SHISA9: variants seen among roughly 807,000 people sequenced by gnomAD.
SHISA9 encodes the protein protein shisa-9.
Under a neutral mutation model 38.0 loss-of-function variants are expected in SHISA9, and 13 were observed. That is an observed-to-expected ratio of 0.34 (90% CI 0.22 to 0.54). The LOEUF (loss-of-function observed/expected upper bound fraction) is 0.54, where lower values mean the gene tolerates loss of function less well. Ranked by LOEUF, SHISA9 falls within the 20% of genes least tolerant of loss-of-function variation. The pLI, the probability that SHISA9 is intolerant of heterozygous loss-of-function variation, is 0.91. For synonymous variants in SHISA9, 275 were observed against 242.0 expected, an observed-to-expected ratio of 1.14 and a Z score of -1.27; for missense variants, 538 against 575.8, an observed-to-expected ratio of 0.93 and a Z score of 0.67.
Position 12,958,275 on chromosome 16 carries a change from T to C in SHISA9, c.691+41460T>C, listed in dbSNP as rs558475252. Reference sequence around the variant, plus strand: ...CATGGATTTATCTAGTTTCTATTGTTGGACATCTAGGTTGCTTTCCATTTT... The same window carrying C: ...CATGGATTTATCTAGTTTCTATTGTCGGACATCTAGGTTGCTTTCCATTTT... On this transcript the variant is annotated intron_variant, in intron 2 of 4. Transcript: ENST00000558583. Among the ~76,000 whole-genome samples, 20 of 152,376 alleles carry C rather than the reference T, an allele frequency of 1.3e-4. No homozygotes were observed. The South Asian group carries it at 1.9e-3, about 14-fold the overall frequency.
the SHISA9 span, among the ~76,000 whole-genome samples, chr16:13,537,196 C>T: frequency 2.6e-5 from 4 of 151,970 alleles, no homozygotes; most frequent in South Asian, 2.1e-4. Flanking sequence ...GGGAGGCCTA[C>T]GGGGGCAAAT....
chr16:13,375,930 T>C, the SHISA9 span, among the ~76,000 whole-genome samples: 1 of 152,112 alleles, frequency 6.6e-6, no homozygotes, highest in Non-Finnish European at 1.5e-5. Context: ...CTAAAATTTA[T>C]ATGGGGTTTC....
At chr16:13,424,593 G>A in the SHISA9 span, among the ~76,000 whole-genome samples, 4 of 152,186 alleles carry the variant, frequency 2.6e-5, no homozygotes, top group African/African-American at 4.8e-5. Flanking sequence ...ATCATATCCC[G>A]TCAGAAGTCC....
chr16:13,346,965 AT>A, the SHISA9 span, among the ~76,000 whole-genome samples: 43 of 152,182 alleles, frequency 2.8e-4, no homozygotes, highest in African/African-American at 1.0e-3. Context: ...GGGTTTTGAG[AT>A]TTATTCACAT....
chr16:13,035,858 C>A (rs1039192454), intron 2 of SHISA9, among the ~76,000 whole-genome samples: 2 of 152,124 alleles, frequency 1.3e-5, no homozygotes, highest in African/African-American at 4.8e-5. Context: ...TTTTAACAGA[C>A]AATCCACCAA....
At chr16:12,943,771 G>C (rs959110756) in intron 2 of SHISA9, among the ~76,000 whole-genome samples, 3 of 152,178 alleles carry the variant, frequency 2.0e-5, no homozygotes, top group African/African-American at 7.2e-5. Flanking sequence ...GCCTCCATTT[G>C]TAGATATTGA....
chr16:13,530,853 G>C, the SHISA9 span, among the ~76,000 whole-genome samples: 5 of 152,218 alleles, frequency 3.3e-5, no homozygotes, highest in Admixed American at 1.3e-4. Flanking sequence ...GAATGGTCAT[G>C]TGACACAACT....
chr16:12,923,690 A>G (rs916818961), intron 2 of SHISA9, among the ~76,000 whole-genome samples: 1 of 152,094 alleles, frequency 6.6e-6, no homozygotes, highest in South Asian at 2.1e-4. Context: ...AATAGAGGAA[A>G]ATTAGCTGGG....
the SHISA9 span, among the ~76,000 whole-genome samples, chr16:13,314,817 G>A: frequency 6.6e-6 from 1 of 152,146 alleles, no homozygotes; most frequent in Non-Finnish European, 1.5e-5. Context: ...GATTAGCAGG[G>A]CCTAGAGGGA....
At chr16:13,208,198 T>G (rs964861633) in intron 3 of SHISA9, among the ~76,000 whole-genome samples, 12 of 152,166 alleles carry the variant, frequency 7.9e-5, no homozygotes, top group African/African-American at 2.9e-4. Flanking sequence ...ATTTTAAAAT[T>G]AGAAAATTAA....
intron 2 of SHISA9, among the ~76,000 whole-genome samples, chr16:13,038,734 G>A (rs182521055): frequency 2.6e-4 from 39 of 152,244 alleles, no homozygotes; most frequent in African/African-American, 8.9e-4. Context: ...CAGTGTGATC[G>A]TTTGTTAATT....
chr16:13,532,768 G>A, the SHISA9 span, among the ~76,000 whole-genome samples: 1 of 152,148 alleles, frequency 6.6e-6, no homozygotes, highest in South Asian at 2.1e-4. Flanking sequence ...CACAGATCCT[G>A]CTTTCAAAGT....
intron 2 of SHISA9, among the ~76,000 whole-genome samples, chr16:13,115,272 T>C (rs967691037): frequency 6.6e-6 from 1 of 151,994 alleles, no homozygotes; most frequent in African/African-American, 2.4e-5. Context: ...AATATAGAGG[T>C]GTGAAGTGGG....
At chr16:12,925,600 C>G (rs1306075605) in intron 2 of SHISA9, among the ~76,000 whole-genome samples, 1 of 152,186 alleles carries the variant, frequency 6.6e-6, no homozygotes, top group African/African-American at 2.4e-5. Context: ...TTTGCATTGC[C>G]TTTCCCAAGT....
At chr16:13,377,127 G>A in the SHISA9 span, among the ~76,000 whole-genome samples, 1 of 152,242 alleles carries the variant, frequency 6.6e-6, no homozygotes, top group Non-Finnish European at 1.5e-5. Context: ...CTGCATACCA[G>A]TGGTGGAGAA....
At chr16:13,256,971 C>T in the SHISA9 span, among the ~76,000 whole-genome samples, 1 of 152,184 alleles carries the variant, frequency 6.6e-6, no homozygotes, top group Admixed American at 6.5e-5. Flanking sequence ...AACTTATAGG[C>T]TCTCTGATGT....
chr16:13,364,919 AAAG>A, the SHISA9 span, among the ~76,000 whole-genome samples: 1 of 152,196 alleles, frequency 6.6e-6, no homozygotes, highest in Non-Finnish European at 1.5e-5. Context: ...GAGGAAAAAC[AAAG>A]GAGGAAAGTG....
At chr16:13,169,733 T>A (rs1166830461) in intron 2 of SHISA9, among the ~76,000 whole-genome samples, 1 of 152,176 alleles carries the variant, frequency 6.6e-6, no homozygotes, top group Non-Finnish European at 1.5e-5. Context: ...GTATAGTCTT[T>A]AGCCTTCCCG....
intron 2 of SHISA9, among the ~76,000 whole-genome samples, chr16:13,154,111 G>A (rs1216889985): frequency 1.3e-5 from 2 of 152,180 alleles, no homozygotes; most frequent in African/African-American, 2.4e-5. Flanking sequence ...CCTATCATGT[G>A]CTGAGTTTCT....
Sources: allele counts gnomAD v4.1 joint callset (sites outside exome capture counted in the v4.1 genomes callset), GRCh38; gene constraint gnomAD v4.1.1; transcripts MANE v1.5; gene names NCBI Gene and HGNC (gene_info 2026-07-23, HGNC 2026-07-21).